The following RARB variants were observed in gnomAD, a reference collection of about 807,000 sequenced individuals.
RARB encodes the protein HBV-activated protein.
Under a neutral mutation model 51.9 loss-of-function variants are expected in RARB, and 17 were observed. The ratio of observed to expected loss-of-function variants is 0.33; its 90% CI spans 0.22 to 0.49. The LOEUF is 0.49. Among genes scored for constraint, RARB ranks in the 20% least tolerant of loss-of-function variants. The pLI, the probability that RARB is intolerant of heterozygous loss-of-function variation, is 0.99. For missense variants in RARB, 369 were observed against 550.8 expected, an observed-to-expected ratio of 0.67 and a Z score of 3.30; for synonymous variants, 215 against 195.4, an observed-to-expected ratio of 1.10 and a Z score of -0.84.
At chr3:25,584,646 A>C (rs1701312836) in intron 5 of RARB, among the ~76,000 whole-genome samples, 1 of 152,136 alleles carries the variant, frequency 6.6e-6, no homozygotes, top group Admixed American at 6.5e-5. Context: ...GCGAGACCTT[A>C]GATCCTGGAG....
At chr3:25,062,344 T>G (rs1220586762) in intron 3 of RARB, among the ~76,000 whole-genome samples, 1 of 151,916 alleles carries the variant, frequency 6.6e-6, no homozygotes, top group Non-Finnish European at 1.5e-5. Flanking sequence ...GGCAAAGCCA[T>G]AGGAAATCTC....
At chr3:25,034,764 AT>A (rs1697948973) in intron 2 of RARB, among the ~76,000 whole-genome samples, 1 of 152,100 alleles carries the variant, frequency 6.6e-6, no homozygotes, top group Non-Finnish European at 1.5e-5. Context: ...GATTTGAAAC[AT>A]TTTTAATCAA....
chr3:25,007,860 C>G (rs4574253), intron 2 of RARB, among the ~76,000 whole-genome samples: 50,299 of 151,640 alleles, frequency 0.33, 10,492 homozygotes, highest in African/African-American at 0.59. Context: ...GACCTGGGGT[C>G]AGATGATCAT....
rs559935789 is a variant in RARB, at chr3:24,910,298, C to T, written c.-380+51546C>T. Among the ~76,000 whole-genome samples, 38 of 152,234 alleles carry T rather than the reference C, an allele frequency of 2.5e-4. No homozygotes were observed. In the South Asian group the frequency reaches 7.1e-3, roughly 28 times the overall value. ...TTTCCACCATCCCTTCAAAGACTTT[C>T]AAGTAAATTTTCTAGTTTTCCCAGT... On this transcript the variant is annotated intron_variant, in intron 2 of 11. Coordinates refer to the RARB transcript ENST00000383772.
At chr3:25,089,107 C>G (rs541525115) in intron 3 of RARB, among the ~76,000 whole-genome samples, 1 of 151,652 alleles carries the variant, frequency 6.6e-6, no homozygotes, top group Non-Finnish European at 1.5e-5. Flanking sequence ...ATTAGAGATT[C>G]TTCTCAAGGG....
intron 5 of RARB, among the ~76,000 whole-genome samples, chr3:25,411,690 G>T (rs7637031): frequency 0.31 from 47,104 of 152,072 alleles, 8,606 homozygotes; most frequent in East Asian, 0.58. Flanking sequence ...AGTAATCTAA[G>T]TCAAGGCCAA....
chr3:24,895,442 A>G (rs1703458445), intron 2 of RARB, among the ~76,000 whole-genome samples: 1 of 152,186 alleles, frequency 6.6e-6, no homozygotes, highest in Admixed American at 6.5e-5. Flanking sequence ...GACTGGGATG[A>G]AGCCCTAGAG....
At chr3:25,391,366 G>A (rs1706953106) in intron 5 of RARB, among the ~76,000 whole-genome samples, 1 of 152,270 alleles carries the variant, frequency 6.6e-6, no homozygotes, top group Admixed American at 6.5e-5. Flanking sequence ...GCATGTGCAA[G>A]TGGCTTTTTC....
chr3:25,387,408 C>T (rs1401529684), intron 5 of RARB, among the ~76,000 whole-genome samples: 1 of 152,150 alleles, frequency 6.6e-6, no homozygotes, highest in Non-Finnish European at 1.5e-5. Context: ...GGGTAGGAAA[C>T]ACATTGGCTA....
intron 3 of RARB, among the ~76,000 whole-genome samples, chr3:25,110,380 A>AGG (rs761503263): frequency 6.6e-5 from 10 of 152,230 alleles, no homozygotes; most frequent in Non-Finnish European, 1.5e-4. Context: ...TTTACAAATG[A>AGG]GGAAACTCAA....
chr3:25,596,739 A>T lies in RARB; in HGVS notation c.*123A>T. 1.1e-6 allele frequency: 1 copy of T among 880,546 alleles called. No homozygotes were observed. Among genetic ancestry groups the T allele is most frequent in the Non-Finnish European group, 1.7e-6 (1 of 592,738 alleles). The allele number at this position is 880,546 out of a possible 1,614,324, so 54.5% of individuals were successfully genotyped here. ...GAAAAGATATTAAAACTCAAGAAGG[A>T]CCAAGAAGTTTTCATATGTATCAAT... On this transcript the variant is annotated 3_prime_UTR_variant, in exon 8 of 8. Transcript: ENST00000330688.
chr3:25,563,613 T>C (rs187667960), intron 3 of RARB, among the ~76,000 whole-genome samples: 213 of 152,318 alleles, frequency 1.4e-3, no homozygotes, highest in African/African-American at 4.7e-3. Flanking sequence ...CTCTAACAAT[T>C]AGTAATAGAT....
chr3:25,269,668 T>C (rs1015139497), intron 5 of RARB, among the ~76,000 whole-genome samples: 8 of 152,146 alleles, frequency 5.3e-5, no homozygotes, highest in African/African-American at 1.7e-4. Flanking sequence ...ATGATACAAA[T>C]AGCAACAATA....
At chr3:25,170,351 T>C (rs1245698689) in intron 4 of RARB, among the ~76,000 whole-genome samples, 3 of 152,132 alleles carry the variant, frequency 2.0e-5, no homozygotes, top group Non-Finnish European at 4.4e-5. Flanking sequence ...GAGCTGTGGC[T>C]CTCAAATGTT....
Position 25,414,581 on chromosome 3 carries a change from T to C in RARB, c.179-46612T>C, listed in dbSNP as rs976172246. 2.0e-5 allele frequency among the ~76,000 whole-genome samples: 3 copies of C among 152,218 alleles called. No individual in the cohort carries two copies. The East Asian group carries it at 5.8e-4, about 29-fold the overall frequency. ...CACAGCAATACTTGGTATGGCAGGCTTTTTAATTTTAGCAATTCCAATAGG... is the reference window on the plus strand; with the variant it reads ...CACAGCAATACTTGGTATGGCAGGCCTTTTAATTTTAGCAATTCCAATAGG... On this transcript the variant is annotated intron_variant, in intron 5 of 11. Transcript: ENST00000383772.
At chr3:25,208,024 G>GT (rs1225763851) in intron 5 of RARB, among the ~76,000 whole-genome samples, 1 of 151,558 alleles carries the variant, frequency 6.6e-6, no homozygotes, top group African/African-American at 2.4e-5. Flanking sequence ...GAGGGCAAGG[G>GT]GGGGAGCAAA....
chr3:24,930,002 T>C (rs1695405634), intron 2 of RARB, among the ~76,000 whole-genome samples: 1 of 152,114 alleles, frequency 6.6e-6, no homozygotes, highest in Non-Finnish European at 1.5e-5. Context: ...GCTCAGTAAG[T>C]TATAAGTCTG....
chr3:24,858,362 G>A (rs1702672761), intron 1 of RARB, among the ~76,000 whole-genome samples: 1 of 152,114 alleles, frequency 6.6e-6, no homozygotes, highest in South Asian at 2.1e-4. Context: ...TGCCACCTGT[G>A]TGAATTCTTT....
At chr3:25,458,040 A>G (rs1266198640) in intron 1 of RARB, among the ~76,000 whole-genome samples, 4 of 151,950 alleles carry the variant, frequency 2.6e-5, no homozygotes, top group Non-Finnish European at 4.4e-5. Flanking sequence ...TTACGTTGAT[A>G]TCAGGGAGTG....
Sources: allele counts gnomAD v4.1 joint callset (sites outside exome capture counted in the v4.1 genomes callset), GRCh38; gene constraint gnomAD v4.1.1; transcripts MANE v1.5; gene names NCBI Gene and HGNC (gene_info 2026-07-23, HGNC 2026-07-21).